DEAF1: variants seen among roughly 807,000 people sequenced by gnomAD.
DEAF1 encodes the protein DEAF1 transcription factor.
DEAF1 carries 53 observed loss-of-function variants against 58.9 expected under a neutral mutation model. That is an observed-to-expected ratio of 0.90 (90% CI 0.72 to 1.13). The LOEUF is 1.13. DEAF1 is among the 50% of genes most tolerant of loss of function. The probability of loss-of-function intolerance (pLI) is 0.00; values close to 1 mark genes in which losing one functional copy is unlikely to be tolerated. For synonymous variants in DEAF1, 385 were observed against 340.4 expected, an observed-to-expected ratio of 1.13 and a Z score of -1.44; for missense variants, 685 against 791.4, an observed-to-expected ratio of 0.87 and a Z score of 1.61.
At chr11:677,047 G>A (rs1355422597) in intron 9 of DEAF1, among the ~76,000 whole-genome samples, 1 of 152,078 alleles carries the variant, frequency 6.6e-6, no homozygotes, top group Non-Finnish European at 1.5e-5. Context: ...GCGAACCCCA[G>A]CCCTCCTGGA....
At chr11:653,571 G>T (rs1216481782) in intron 11 of DEAF1, among the ~76,000 whole-genome samples, 1 of 147,828 alleles carries the variant, frequency 6.8e-6, no homozygotes, top group Admixed American at 6.7e-5. Context: ...GGCTCTGCAG[G>T]GGTGTGGAGG....
intron 6 of DEAF1, among the ~76,000 whole-genome samples, chr11:683,485 C>A (rs1378822975): frequency 6.6e-6 from 1 of 152,198 alleles, no homozygotes; most frequent in African/African-American, 2.4e-5. Context: ...CAGTGCCACA[C>A]TATCTTGATT....
rs553761325 is a variant in DEAF1, at chr11:694,530, G to A, written c.289+229C>T. 1.8e-4 allele frequency: 65 copies of A among 361,208 alleles called. 2 individuals are homozygous for A. The highest frequency in any genetic ancestry group is 3.7e-4 in the South Asian group (4 of 10,772). 22.4% of individuals were successfully genotyped at this position (361,208 alleles called of 1,614,324 possible). A position where few individuals can be genotyped will look rare whatever the true frequency, so the allele number is the denominator to read the frequency against. On this transcript the variant is annotated intron_variant, in intron 1 of 11. Coordinates refer to ENST00000382409, the MANE Select transcript of DEAF1 (RefSeq NM_021008.4). ...GGGCAGGTGTGAGAGGCAGATGTGAGGGGTGAGCTAGTCACGTGGGGCAGG... is the reference window on the plus strand; with the variant it reads ...GGGCAGGTGTGAGAGGCAGATGTGAAGGGTGAGCTAGTCACGTGGGGCAGG...
chr11:644,831 C>A lies in DEAF1; in HGVS notation c.1594-177G>T, dbSNP rs1001572662. Among the ~76,000 whole-genome samples the A allele has an allele frequency of 1.3e-5, 2 of 152,104 alleles. No individual in the cohort carries two copies. The highest frequency in any genetic ancestry group is 2.9e-5 in the Non-Finnish European group (2 of 68,032). On this transcript the variant is annotated intron_variant, in intron 11 of 11. Transcript: ENST00000382409. The surrounding 1 kb of genome is among the most constrained non-coding windows in gnomAD (Gnocchi z 4.3). ...CTGGTGGGCTCTGCTCCAATACAGC[C>A]TTCCCCACACTCTCTTGGTTTGAGG...
intron 4 of DEAF1, among the ~76,000 whole-genome samples, chr11:687,647 G>A (rs1375335870): frequency 6.6e-6 from 1 of 152,134 alleles, no homozygotes; most frequent in Non-Finnish European, 1.5e-5. Flanking sequence ...ACAGGCGCCT[G>A]CCACCACGCT....
chr11:699,192 C>T (rs1008410597), upstream of DEAF1: 70 of 473,906 alleles, frequency 1.5e-4, no homozygotes, highest in Non-Finnish European at 1.1e-5. Context: ...AAATCCCTCA[C>T]TTTGTCCCTA....
chr11:661,708 C>T (rs1859328208), intron 10 of DEAF1, among the ~76,000 whole-genome samples: 1 of 151,836 alleles, frequency 6.6e-6, no homozygotes, highest in Non-Finnish European at 1.5e-5. Flanking sequence ...GAAACTCCAT[C>T]TCCAAAACAA....
At chr11:700,310 T>C (rs537920292) in intron 1 of DEAF1, 1 of 1,356,978 alleles carries the variant, frequency 7.4e-7, no homozygotes, top group African/African-American at 1.4e-5. Context: ...GCGGATCACT[T>C]GAGGTCAGGA....
At chr11:681,392 C>T (rs369768234) in intron 6 of DEAF1, among the ~76,000 whole-genome samples, 1 of 149,714 alleles carries the variant, frequency 6.7e-6, no homozygotes, top group African/African-American at 2.5e-5. Context: ...TCACCACACC[C>T]GGCTAATTTT....
chr11:667,953 A>C (rs1589990414), intron 10 of DEAF1, among the ~76,000 whole-genome samples: 1 of 152,004 alleles, frequency 6.6e-6, no homozygotes, highest in East Asian at 1.9e-4. Context: ...CTCTACCAAA[A>C]ATACAAAAAT....
chr11:666,261 C>T (rs1859517236), intron 10 of DEAF1: 1 of 152,302 alleles, frequency 6.6e-6, no homozygotes, highest in Admixed American at 6.5e-5. Flanking sequence ...AAGCCCAACA[C>T]TCTTCAGGGG....
At chr11:691,362 G>A (rs760902375) in intron 2 of DEAF1, 139 bp downstream of exon 2, 1 of 783,042 alleles carries the variant, frequency 1.3e-6, no homozygotes, top group Middle Eastern at 3.5e-4. Context: ...TCTGAGAGCA[G>A]AGCGAGCCAG....
At chr11:699,782 T>C (rs1373174862), upstream of DEAF1, 3 of 202,538 alleles carry the variant, frequency 1.5e-5, no homozygotes, top group Non-Finnish European at 3.0e-5. Flanking sequence ...AAAGTTATTT[T>C]TTCTCTCTTA....
Position 694,994 on chromosome 11 carries a change from C to G in DEAF1, c.54G>C (p.Ala18=), listed in dbSNP as rs1347006456. The G allele has an allele frequency of 1.7e-6, 2 of 1,200,294 alleles. No individual in the cohort carries two copies. The highest frequency in any genetic ancestry group is 1.6e-5 in the African/African-American group (1 of 61,792). The allele number at this position is 1,200,294 out of a possible 1,614,324, so 74.4% of individuals were successfully genotyped here. Residue 18 remains alanine (A), a synonymous_variant, in exon 1 of 12, where the codon GCG becomes GCC. Coordinates refer to ENST00000382409, the MANE Select transcript of DEAF1 (RefSeq NM_021008.4). The part of the protein sequence containing the change: ...AKQLGLAEAA[A]VAAAAAVAAA... ...CCGCCACAGCGGCCGCGGCCGCCAC[C>G]GCCGCCGCCTCAGCCAGGCCCAGCT...
intron 11 of DEAF1, among the ~76,000 whole-genome samples, chr11:649,818 G>A (rs1006888127): frequency 3.3e-5 from 5 of 152,052 alleles, no homozygotes; most frequent in African/African-American, 9.7e-5. Flanking sequence ...CTGAGGTCAG[G>A]AGTTCGAGAC....
chr11:647,617 A>T (rs2133270152), intron 11 of DEAF1, among the ~76,000 whole-genome samples: 1 of 152,318 alleles, frequency 6.6e-6, no homozygotes, highest in Middle Eastern at 3.4e-3. Flanking sequence ...CTTGCTTTAA[A>T]ATGCTCAGCC....
At chr11:691,824 A>T (rs1342920912) in intron 1 of DEAF1, among the ~76,000 whole-genome samples, 1 of 152,136 alleles carries the variant, frequency 6.6e-6, no homozygotes, top group Admixed American at 6.5e-5. Context: ...CTTCCCCAGT[A>T]AAGCCTTTTA....
intron 10 of DEAF1, among the ~76,000 whole-genome samples, chr11:662,462 G>T (rs931685647): frequency 6.6e-6 from 1 of 152,140 alleles, no homozygotes; most frequent in African/African-American, 2.4e-5. Context: ...GAACCATTCA[G>T]TACTTCCTAC....
At chr11:648,264 G>A (rs962718440) in intron 11 of DEAF1, among the ~76,000 whole-genome samples, 4 of 143,280 alleles carry the variant, frequency 2.8e-5, no homozygotes, top group Non-Finnish European at 5.9e-5. Flanking sequence ...GCACGATCTC[G>A]GCTCACTGCA....
Sources: gnomAD v4.1 joint callset for allele counts (sites outside exome capture counted in the v4.1 genomes callset) on GRCh38, gnomAD v4.1.1 for gene constraint, Gnocchi (gnomAD v3.1) non-coding constraint, MANE v1.5 for transcripts, NCBI Gene and HGNC (gene_info 2026-07-23, HGNC 2026-07-21) for gene names.